Variants in GDAP2 observed in about 807,000 individuals in gnomAD.
GDAP2 encodes ganglioside induced differentiation associated protein 2, also known as ganglioside-induced differentiation-associated protein 2.
Under a neutral mutation model 67.0 loss-of-function variants are expected in GDAP2, and 51 were observed. The ratio of observed to expected loss-of-function variants is 0.76; its 90% CI spans 0.61 to 0.96. The LOEUF (loss-of-function observed/expected upper bound fraction) is 0.96, where lower values mean the gene tolerates loss of function less well. Ranked by LOEUF, GDAP2 falls within the 40% of genes least tolerant of loss-of-function variation. The pLI, the probability that GDAP2 is intolerant of heterozygous loss-of-function variation, is 0.00. For synonymous variants in GDAP2, 203 were observed against 207.3 expected (o/e 0.98, Z 0.18); for missense variants, 547 against 588.3 (o/e 0.93, Z 0.73).
intron 5 of GDAP2, among the ~76,000 whole-genome samples, chr1:117,907,102 T>G (rs1477418196): frequency 6.6e-6 from 1 of 152,132 alleles, no homozygotes; most frequent in Non-Finnish European, 1.5e-5. Flanking sequence ...AAAGCTCAAT[T>G]ATTTTTTTCT....
chr1:117,876,760 C>G (rs111785808), intron 13 of GDAP2, among the ~76,000 whole-genome samples: 1 of 152,282 alleles, frequency 6.6e-6, no homozygotes, highest in African/African-American at 2.4e-5. Flanking sequence ...TTTATAGGCC[C>G]TTAAGTATAT....
intron 13 of GDAP2, among the ~76,000 whole-genome samples, chr1:117,873,549 T>A (rs1342600036): frequency 6.6e-6 from 1 of 152,172 alleles, no homozygotes; most frequent in Non-Finnish European, 1.5e-5. Flanking sequence ...ATCATAGTTT[T>A]AATTCTTCCT....
intron 1 of GDAP2, among the ~76,000 whole-genome samples, chr1:117,926,126 T>C (rs559828472): frequency 1.1e-3 from 167 of 152,356 alleles, no homozygotes; most frequent in African/African-American, 3.9e-3. Flanking sequence ...CACTTGACTT[T>C]TTAAGAGTAA....
intron 5 of GDAP2, among the ~76,000 whole-genome samples, chr1:117,909,534 T>C (rs1278147380): frequency 3.3e-5 from 5 of 152,192 alleles, no homozygotes; most frequent in Non-Finnish European, 5.9e-5. Context: ...GGCCCATATA[T>C]GTTACAAAAG....
At chr1:117,891,924 T>G (rs1649097436) in intron 8 of GDAP2, among the ~76,000 whole-genome samples, 1 of 152,170 alleles carries the variant, frequency 6.6e-6, no homozygotes, top group Non-Finnish European at 1.5e-5. Context: ...TAGTATAAAC[T>G]CTAAAATGTT....
chr1:117,894,865 T>C lies in GDAP2; in HGVS notation c.953+1968A>G, dbSNP rs201258770. Reference sequence around the variant, plus strand: ...TTTAAATATATACATATTTGAAACATTTTTATTGTCATCAGAAGCTTGACA... The same window carrying C: ...TTTAAATATATACATATTTGAAACACTTTTATTGTCATCAGAAGCTTGACA... On this transcript the variant is annotated intron_variant, in intron 8 of 13. Coordinates refer to ENST00000369443, the MANE Select transcript of GDAP2 (RefSeq NM_017686.4). Among the ~76,000 whole-genome samples the C allele has an allele frequency of 9.5e-4, 144 of 152,310 alleles. 3 individuals are homozygous for C. The East Asian group carries it at 0.013, about 13-fold the overall frequency.
chr1:117,920,368 CTTTGA>C lies in GDAP2; in HGVS notation c.-16_-12del, dbSNP rs1468160884. On this transcript the variant is annotated 5_prime_UTR_variant, in exon 2 of 14. Transcript: ENST00000369443. Reference sequence around the variant, plus strand: ...ACCTAAGGGATCCATGGAATGGGAACTTTGATTTGTCTTTTCCCAAAATCCTCAGC... The same window carrying C: ...ACCTAAGGGATCCATGGAATGGGAACTTTGTCTTTTCCCAAAATCCTCAGC... 4 of 1,570,500 alleles carry C rather than the reference CTTTGA, an allele frequency of 2.5e-6. No homozygotes were observed. Among genetic ancestry groups the C allele is most frequent in the Non-Finnish European group, 3.5e-6 (4 of 1,156,912 alleles).
intron 6 of GDAP2, among the ~76,000 whole-genome samples, chr1:117,903,440 G>A (rs574593091): frequency 1.3e-5 from 2 of 151,918 alleles, no homozygotes; most frequent in East Asian, 3.9e-4. Context: ...GGCTGAAGCA[G>A]TTCTCTCTTA....
At chr1:117,917,539 C>T (rs1650091772) in intron 3 of GDAP2, among the ~76,000 whole-genome samples, 1 of 152,182 alleles carries the variant, frequency 6.6e-6, no homozygotes, top group Non-Finnish European at 1.5e-5. Context: ...ATGTCAGGAA[C>T]TGAGGTAGGA....
At position 117,863,660 on chromosome 1, in the gene GDAP2, A is replaced by C. The variant is rs1353358866; in HGVS notation, c.*6909T>G. ...TAAATATTTTTGAGAAAATATAAGAAAATAAACTTTCTAAATAAGCAATTT... is the reference window on the plus strand; with the variant it reads ...TAAATATTTTTGAGAAAATATAAGACAATAAACTTTCTAAATAAGCAATTT... On this transcript the variant is annotated 3_prime_UTR_variant, in exon 14 of 14. Transcript: ENST00000369443. 6.6e-6 allele frequency: 1 copy of C among 152,214 alleles called. No individual in the cohort carries two copies. Among genetic ancestry groups the C allele is most frequent in the Non-Finnish European group, 1.5e-5 (1 of 68,040 alleles). The allele number at this position is 152,214 out of a possible 1,614,324, so 9.4% of individuals were successfully genotyped here. A position where few individuals can be genotyped will look rare whatever the true frequency, so the allele number is the denominator to read the frequency against.
Position 117,863,918 on chromosome 1 carries a change from TTCC to T in GDAP2, c.*6648_*6650del. 6.6e-6 allele frequency: 1 copy of T among 152,336 alleles called. No individual in the cohort carries two copies. 9.4% of individuals were successfully genotyped at this position (152,336 alleles called of 1,614,324 possible). On this transcript the variant is annotated 3_prime_UTR_variant, in exon 14 of 14. Transcript: ENST00000369443. ...TGCTTTATGTACATTATTGCATTTG[TTCC>T]TCCTAATTATTCAATTAATATTATC...
intron 9 of GDAP2, among the ~76,000 whole-genome samples, chr1:117,887,193 G>A (rs989405647): frequency 1.8e-4 from 27 of 152,142 alleles, no homozygotes; most frequent in African/African-American, 6.5e-4. Flanking sequence ...ACCTCCCAAA[G>A]TGCTGCAATT....
rs1423720401 is a variant in GDAP2 at position 117,863,555 on chromosome 1, C to A, written c.*7014G>T. 6.6e-6 allele frequency: 1 copy of A among 152,112 alleles called. No homozygotes were observed. Among genetic ancestry groups the A allele is most frequent in the East Asian group, 1.9e-4 (1 of 5,198 alleles). The allele number at this position is 152,112 out of a possible 1,614,324, so 9.4% of individuals were successfully genotyped here. Reference sequence around the variant, plus strand: ...TTTAAATGAAATCTGTATTTCACATCAATTTGAAATCAGCACATCATACAA... The same window carrying A: ...TTTAAATGAAATCTGTATTTCACATAAATTTGAAATCAGCACATCATACAA... On this transcript the variant is annotated 3_prime_UTR_variant, in exon 14 of 14. Transcript: ENST00000369443.
intron 5 of GDAP2, 48 bp from the exon 6 acceptor site, chr1:117,906,630 T>C (rs746580919): frequency 1.0e-6 from 1 of 980,094 alleles, no homozygotes; most frequent in East Asian, 2.4e-5. Context: ...AAATTACTTA[T>C]ACATAAAGAA....
intron 8 of GDAP2, 106 bp from the exon 9 acceptor site, chr1:117,887,880 T>C: frequency 3.1e-6 from 2 of 643,466 alleles, no homozygotes; most frequent in Non-Finnish European, 5.6e-6. Context: ...TTTTCAAGTA[T>C]ATATTTCATT....
intron 7 of GDAP2, among the ~76,000 whole-genome samples, chr1:117,898,638 T>A (rs1649342111): frequency 6.6e-6 from 1 of 152,184 alleles, no homozygotes; most frequent in Non-Finnish European, 1.5e-5. Context: ...TGCTCCAACC[T>A]ACAACAGTAT....
chr1:117,895,140 TAC>T (rs1370552035), intron 8 of GDAP2, among the ~76,000 whole-genome samples: 1 of 152,176 alleles, frequency 6.6e-6, no homozygotes, highest in Non-Finnish European at 1.5e-5. Context: ...AATTCATGGA[TAC>T]AGTTTGAGAT....
intron 8 of GDAP2, 50 bp downstream of exon 8, chr1:117,896,783 C>T (rs772151276): frequency 1.5e-6 from 2 of 1,349,440 alleles, no homozygotes; most frequent in South Asian, 2.9e-5. Context: ...AGGTTCCTTT[C>T]TTGCTTCTGA....
At chr1:117,887,318 A>G (rs1012390784) in intron 9 of GDAP2, among the ~76,000 whole-genome samples, 3 of 152,220 alleles carry the variant, frequency 2.0e-5, no homozygotes, top group Admixed American at 6.5e-5. Context: ...TCTGAAAATT[A>G]CTAAAAAGTA....
Sources: allele counts gnomAD v4.1 joint callset (sites outside exome capture counted in the v4.1 genomes callset), GRCh38; gene constraint gnomAD v4.1.1; transcripts MANE v1.5; gene names NCBI Gene and HGNC (gene_info 2026-07-23, HGNC 2026-07-21).